The following NALF1 variants were observed in gnomAD, a reference collection of about 807,000 sequenced individuals.
The protein encoded by NALF1 is family with sequence similarity 155 member A.
A neutral mutation model predicts 48.4 loss-of-function variants in NALF1; 3 were observed. That is an observed-to-expected ratio of 0.06 (90% CI 0.03 to 0.16). The LOEUF (loss-of-function observed/expected upper bound fraction) is 0.16. Ranked by LOEUF, NALF1 falls within the 10% of genes least tolerant of loss-of-function variation. NALF1 has a pLI of 1.00. For missense variants in NALF1, 526 were observed against 571.5 expected, an observed-to-expected ratio of 0.92 and a Z score of 0.81; for synonymous variants, 262 against 245.7, an observed-to-expected ratio of 1.07 and a Z score of -0.62.
chr13:107,278,147 C>G (rs1163532620), intron 1 of NALF1, among the ~76,000 whole-genome samples: 1 of 152,178 alleles, frequency 6.6e-6, no homozygotes, highest in Non-Finnish European at 1.5e-5. Context: ...CACTCAGGCA[C>G]ATTTGTGGTT....
rs371851226 is a variant in NALF1, at chr13:107,306,187, T to C, written c.916-95432A>G. 5.9e-5 allele frequency among the ~76,000 whole-genome samples: 9 copies of C among 152,292 alleles called. No individual in the cohort carries two copies. The East Asian group carries it at 9.6e-4, about 16-fold the overall frequency. Reference sequence around the variant, plus strand: ...TTATAACTCAAAGAGCTCTTTCTTCTTTGAAACCAAAGAAAAGCCACCAGA... The same window carrying C: ...TTATAACTCAAAGAGCTCTTTCTTCCTTGAAACCAAAGAAAAGCCACCAGA... On this transcript the variant is annotated intron_variant, in intron 1 of 2. Coordinates refer to ENST00000375915, the MANE Select transcript of NALF1 (RefSeq NM_001080396.3).
intron 1 of NALF1, among the ~76,000 whole-genome samples, chr13:107,233,422 T>C (rs1405732594): frequency 6.6e-6 from 1 of 152,196 alleles, no homozygotes. Flanking sequence ...CCACTGTGTA[T>C]GAAAACATAA....
chr13:107,297,465 AG>A (rs1441233329), intron 1 of NALF1, among the ~76,000 whole-genome samples: 1 of 152,208 alleles, frequency 6.6e-6, no homozygotes, highest in African/African-American at 2.4e-5. Flanking sequence ...GTTAAAGGGA[AG>A]GATATCTGAC....
At chr13:107,266,354 G>C (rs576667037) in intron 1 of NALF1, among the ~76,000 whole-genome samples, 2 of 152,302 alleles carry the variant, frequency 1.3e-5, no homozygotes, top group East Asian at 3.9e-4. Context: ...AAGGATATAA[G>C]GTTGTTCATC....
At chr13:107,644,509 G>A (rs374168606) in intron 1 of NALF1, among the ~76,000 whole-genome samples, 1 of 151,204 alleles carries the variant, frequency 6.6e-6, no homozygotes, top group Non-Finnish European at 1.5e-5. Flanking sequence ...TTTAAATCAT[G>A]TGCATTTTCT....
chr13:107,570,652 A>C (rs1877960557), intron 1 of NALF1, among the ~76,000 whole-genome samples: 1 of 151,384 alleles, frequency 6.6e-6, no homozygotes, highest in Non-Finnish European at 1.5e-5. Context: ...ATATGTATAC[A>C]TGTGCCATGC....
At chr13:107,857,135 G>C (rs1264373990) in intron 1 of NALF1, among the ~76,000 whole-genome samples, 2 of 152,296 alleles carry the variant, frequency 1.3e-5, no homozygotes, top group East Asian at 3.9e-4. Flanking sequence ...ACAGCTTCCA[G>C]GCTTTTCTTC....
chr13:107,481,292 C>T (rs1190144430), intron 1 of NALF1, among the ~76,000 whole-genome samples: 2 of 152,076 alleles, frequency 1.3e-5, no homozygotes, highest in East Asian at 3.9e-4. Flanking sequence ...CTGAAAACTG[C>T]CCATCCCTAA....
At chr13:107,192,354 G>A (rs531049272) in intron 2 of NALF1, among the ~76,000 whole-genome samples, 4 of 152,122 alleles carry the variant, frequency 2.6e-5, no homozygotes, top group Admixed American at 1.3e-4. Context: ...TGTCTGGGCC[G>A]CTTACAGACT....
chr13:107,788,507 G>A (rs1878137844), intron 1 of NALF1: 2 of 151,994 alleles, frequency 1.3e-5, no homozygotes, highest in Non-Finnish European at 2.9e-5. Flanking sequence ...TCTTCCCATG[G>A]CCAATCTCTA....
At chr13:107,802,350 T>G (rs1326930710) in intron 1 of NALF1, among the ~76,000 whole-genome samples, 1 of 152,208 alleles carries the variant, frequency 6.6e-6, no homozygotes, top group Admixed American at 6.5e-5. Context: ...GGGATAGTTT[T>G]ATTTTTCCAT....
chr13:107,774,582 C>A (rs1441242605), intron 1 of NALF1, among the ~76,000 whole-genome samples: 1 of 152,194 alleles, frequency 6.6e-6, no homozygotes, highest in African/African-American at 2.4e-5. Flanking sequence ...CTAACACCAG[C>A]ATATAACTTT....
chr13:107,689,574 A>G (rs1211946971), intron 1 of NALF1, among the ~76,000 whole-genome samples: 1 of 152,208 alleles, frequency 6.6e-6, no homozygotes, highest in Non-Finnish European at 1.5e-5. Context: ...AACTCTAAAA[A>G]TAATAATATT....
chr13:107,278,696 T>A (rs984314379), intron 1 of NALF1, among the ~76,000 whole-genome samples: 2 of 152,246 alleles, frequency 1.3e-5, no homozygotes. Context: ...GTTTGTTTTT[T>A]TAAAAATCTG....
intron 1 of NALF1, among the ~76,000 whole-genome samples, chr13:107,407,543 C>G (rs1853516): frequency 0.16 from 24,240 of 152,012 alleles, 2,289 homozygotes; most frequent in Non-Finnish European, 0.2. Context: ...AAATGCCAAT[C>G]AAAACTACTG....
At chr13:107,212,197 T>C (rs1202175106) in intron 1 of NALF1, among the ~76,000 whole-genome samples, 1 of 152,220 alleles carries the variant, frequency 6.6e-6, no homozygotes, top group Non-Finnish European at 1.5e-5. Flanking sequence ...AATGACGCTT[T>C]ATTCTGTGAT....
At chr13:107,628,140 T>C (rs111727004) in intron 1 of NALF1, among the ~76,000 whole-genome samples, 110 of 152,200 alleles carry the variant, frequency 7.2e-4, no homozygotes, top group African/African-American at 2.5e-3. Flanking sequence ...GTGCAATGTT[T>C]GTTTTTAATG....
chr13:107,837,432 T>C (rs561522135), intron 1 of NALF1, among the ~76,000 whole-genome samples: 2 of 151,966 alleles, frequency 1.3e-5, no homozygotes, highest in South Asian at 4.2e-4. Flanking sequence ...ACAATTCCAT[T>C]TCTTGACATC....
At chr13:107,234,001 CAGT>C (rs998541323) in intron 1 of NALF1, among the ~76,000 whole-genome samples, 5 of 152,168 alleles carry the variant, frequency 3.3e-5, no homozygotes, top group Admixed American at 3.3e-4. Flanking sequence ...AACAGAACAG[CAGT>C]AGAACTGCAG....
Sources: allele counts gnomAD v4.1 joint callset (sites outside exome capture counted in the v4.1 genomes callset), GRCh38; gene constraint gnomAD v4.1.1; transcripts MANE v1.5; gene names NCBI Gene and HGNC (gene_info 2026-07-23, HGNC 2026-07-21).